Variants in ZCCHC14 observed in about 807,000 individuals in gnomAD.
The protein encoded by ZCCHC14 is zinc finger CCHC-type containing 14.
In ZCCHC14, 16 loss-of-function variants were observed where a neutral mutation model predicts 85.0. That is an observed-to-expected ratio of 0.19 (90% CI 0.13 to 0.29). ZCCHC14 has a LOEUF of 0.29. Ranked by LOEUF, ZCCHC14 falls within the 10% of genes least tolerant of loss-of-function variation. The pLI, the probability that ZCCHC14 is intolerant of heterozygous loss-of-function variation, is 1.00. For missense variants in ZCCHC14, 1,303 were observed against 1,443.5 expected (o/e 0.90, Z 1.58); for synonymous variants, 775 against 630.7 (o/e 1.23, Z -3.43).
intron 2 of ZCCHC14, among the ~76,000 whole-genome samples, chr16:87,443,466 G>A (rs1567525077): frequency 6.6e-6 from 1 of 152,128 alleles, no homozygotes; most frequent in Non-Finnish European, 1.5e-5. Flanking sequence ...CCAGGCATGG[G>A]GGCTCACACC....
At chr16:87,463,624 G>C (rs1427098425) in intron 1 of ZCCHC14, among the ~76,000 whole-genome samples, 1 of 152,152 alleles carries the variant, frequency 6.6e-6, no homozygotes, top group East Asian at 1.9e-4. Context: ...TTCGAGACCA[G>C]CCTGGCCAAC....
At chr16:87,444,674 A>C (rs1364354202) in intron 2 of ZCCHC14, among the ~76,000 whole-genome samples, 1 of 152,204 alleles carries the variant, frequency 6.6e-6, no homozygotes, top group Non-Finnish European at 1.5e-5. Context: ...AGTATCAAAC[A>C]AACCCAGATT....
chr16:87,452,731 T>C (rs938822457), intron 2 of ZCCHC14, among the ~76,000 whole-genome samples: 3 of 151,940 alleles, frequency 2.0e-5, no homozygotes, highest in Admixed American at 1.3e-4. Context: ...CAAGAAAAGG[T>C]AGTGAGCTCT....
Position 87,467,011 on chromosome 16 carries a change from G to A in ZCCHC14, c.571-6880C>T, listed in dbSNP as rs551076242. The stretch of plus-strand genomic sequence containing the variant: ...CCTGGAAAAGCCTCACAGTCACTTT[G>A]GAGGTCACGTGTTTTTCATGAAAAA... On this transcript the variant is annotated intron_variant, in intron 1 of 12. Transcript: ENST00000671377. 37 of 410,360 alleles carry A rather than the reference G, an allele frequency of 9.0e-5. No individual in the cohort carries two copies. In the East Asian group the frequency reaches 1.7e-3, roughly 19 times the overall value. 25.4% of individuals were successfully genotyped at this position (410,360 alleles called of 1,614,324 possible). A position where few individuals can be genotyped will look rare whatever the true frequency, so the allele number is the denominator to read the frequency against.
intron 2 of ZCCHC14, among the ~76,000 whole-genome samples, chr16:87,452,219 G>A (rs1485603840): frequency 2.0e-5 from 3 of 152,234 alleles, no homozygotes; most frequent in African/African-American, 7.2e-5. Context: ...TGTGGGAGAG[G>A]AGCTACCTTG....
intron 2 of ZCCHC14, among the ~76,000 whole-genome samples, chr16:87,458,329 CA>C (rs1911077199): frequency 6.6e-6 from 1 of 152,126 alleles, no homozygotes; most frequent in Non-Finnish European, 1.5e-5. Flanking sequence ...ATTCCGACGC[CA>C]AGTGTCCGCT....
chr16:87,467,162 C>G (rs1187332511), intron 1 of ZCCHC14: 3 of 1,254,592 alleles, frequency 2.4e-6, no homozygotes, highest in Non-Finnish European at 3.4e-6. Flanking sequence ...TAGATGAAAA[C>G]TGTCTGCTTT....
intron 2 of ZCCHC14, among the ~76,000 whole-genome samples, chr16:87,458,253 T>C (rs1911072352): frequency 6.6e-6 from 1 of 152,122 alleles, no homozygotes; most frequent in South Asian, 2.1e-4. Flanking sequence ...CGGCAGGCCT[T>C]TCTCCTGGGA....
At position 87,417,824 on chromosome 16, in the gene ZCCHC14, C is replaced by T. The variant is rs1414757425; in HGVS notation, c.1101-82G>A. On this transcript the variant is annotated intron_variant, in intron 7 of 12. Coordinates refer to ENST00000671377, the MANE Select transcript of ZCCHC14 (RefSeq NM_015144.3). ...TCCACCACAGACCTCACTTCCAGGCCTTTCTGTGCCAGCCTCTGCCTCTTG... is the reference window on the plus strand; with the variant it reads ...TCCACCACAGACCTCACTTCCAGGCTTTTCTGTGCCAGCCTCTGCCTCTTG... The T allele has an allele frequency of 2.1e-6, 3 of 1,439,692 alleles. No individual in the cohort carries two copies. In the African/African-American group the frequency reaches 4.3e-5, roughly 21 times the overall value. 89.2% of individuals were successfully genotyped at this position (1,439,692 alleles called of 1,614,324 possible). A position where few individuals can be genotyped will look rare whatever the true frequency, so the allele number is the denominator to read the frequency against.
At chr16:87,457,908 G>A (rs941894872) in intron 2 of ZCCHC14, among the ~76,000 whole-genome samples, 4 of 152,120 alleles carry the variant, frequency 2.6e-5, no homozygotes, top group African/African-American at 9.7e-5. Flanking sequence ...AGGTAATTAA[G>A]AGCGTCTGCT....
At chr16:87,456,443 G>A (rs1350470289) in intron 2 of ZCCHC14, among the ~76,000 whole-genome samples, 3 of 149,254 alleles carry the variant, frequency 2.0e-5, no homozygotes, top group East Asian at 2.0e-4. Context: ...TGAGGCAAGA[G>A]AATGGCGTGA....
chr16:87,414,578 G>A, intron 9 of ZCCHC14, 37 bp from the exon 10 acceptor site: 1 of 1,582,808 alleles, frequency 6.3e-7, no homozygotes, highest in Admixed American at 1.7e-5. Context: ...AGTGAGCACT[G>A]CCTACTGGTG....
chr16:87,468,413 TTTAGAA>T (rs1911627335), intron 1 of ZCCHC14, among the ~76,000 whole-genome samples: 1 of 152,090 alleles, frequency 6.6e-6, no homozygotes, highest in Non-Finnish European at 1.5e-5. Flanking sequence ...ATTCAGCTGT[TTTAGAA>T]TATGTTCTTA....
intron 1 of ZCCHC14, among the ~76,000 whole-genome samples, chr16:87,474,792 G>C (rs1437675154): frequency 6.6e-6 from 1 of 152,224 alleles, no homozygotes; most frequent in Non-Finnish European, 1.5e-5. Context: ...CACCCTGGGA[G>C]GGGACAGCAC....
Position 87,420,328 on chromosome 16 carries a change from G to C in ZCCHC14, c.950+279C>G, listed in dbSNP as rs1371826520. Among the ~76,000 whole-genome samples, 8 of 152,244 alleles carry C rather than the reference G, an allele frequency of 5.3e-5. No individual in the cohort carries two copies. Among genetic ancestry groups the C allele is most frequent in the Admixed American group, 3.9e-4 (6 of 15,284 alleles). On this transcript the variant is annotated intron_variant, in intron 5 of 12. Coordinates refer to ENST00000671377, the MANE Select transcript of ZCCHC14 (RefSeq NM_015144.3). The surrounding 1 kb of genome is among the most constrained non-coding windows in gnomAD (Gnocchi z 5.0). ...AGTCTCAACCTTGGACTACAGGATG[G>C]AAACAGCAGCCCAGGATTATTTCAC...
At chr16:87,417,395 C>G in intron 8 of ZCCHC14, 65 bp downstream of exon 8, 1 of 1,571,004 alleles carries the variant, frequency 6.4e-7, no homozygotes, top group Non-Finnish European at 8.7e-7. Flanking sequence ...AAACTCAATG[C>G]CCCCAGGGAG....
At chr16:87,426,660 C>T (rs963820077) in intron 3 of ZCCHC14, among the ~76,000 whole-genome samples, 7 of 152,218 alleles carry the variant, frequency 4.6e-5, no homozygotes, top group Non-Finnish European at 7.3e-5. Flanking sequence ...CCTCTGGGGG[C>T]AGGGCTCAGC....
At chr16:87,458,741 G>A (rs1047232488) in intron 2 of ZCCHC14, among the ~76,000 whole-genome samples, 3 of 152,156 alleles carry the variant, frequency 2.0e-5, no homozygotes, top group African/African-American at 2.4e-5. Flanking sequence ...CAGGGTGAGC[G>A]AGTGCGGCTC....
rs1441204382 is a variant in ZCCHC14, at chr16:87,412,664, A to G, written c.2057T>C (p.Met686Thr). 1 of 1,614,102 alleles carries G rather than the reference A, an allele frequency of 6.2e-7. No homozygotes were observed. Among genetic ancestry groups the G allele is most frequent in the African/African-American group, 1.3e-5 (1 of 74,932 alleles). ...RNKGSGPRSS[M>T]KVDKSFGSAM... ...GCTGCCAAAGCTCTTGTCCACTTTC[A>G]TGCTGCTTCTTGGTCCAGATCCTTT... The change falls in exon 12 of 13, where the codon ATG becomes ACG. Residue 686 changes from methionine to threonine, a missense_variant. Met to Thr is a moderately conservative substitution (Grantham distance 81, BLOSUM62 -1). Coordinates refer to ENST00000671377, the MANE Select transcript of ZCCHC14 (RefSeq NM_015144.3).
Sources: gnomAD v4.1 joint callset for allele counts (sites outside exome capture counted in the v4.1 genomes callset) on GRCh38, gnomAD v4.1.1 for gene constraint, Gnocchi (gnomAD v3.1) non-coding constraint, MANE v1.5 for transcripts, NCBI Gene and HGNC (gene_info 2026-07-23, HGNC 2026-07-21) for gene names.